Variants in NDUFAF6 observed in about 807,000 individuals in gnomAD.
NDUFAF6 encodes the protein NADH dehydrogenase (ubiquinone) complex I, assembly factor 6.
In NDUFAF6, 45 loss-of-function variants were observed where a neutral mutation model predicts 40.8. The observed-to-expected ratio is 1.10, with a 90% CI of 0.87 to 1.42. The LOEUF is 1.42. NDUFAF6 is among the 40% of genes most tolerant of loss of function. NDUFAF6 has a pLI of 0.00. For synonymous variants in NDUFAF6, 185 were observed against 155.9 expected (o/e 1.19, Z -1.39); for missense variants, 435 against 418.5 (o/e 1.04, Z -0.34).
chr8:95,010,627 A>G (rs1232106093), intron 2 of NDUFAF6, among the ~76,000 whole-genome samples: 1 of 152,244 alleles, frequency 6.6e-6, no homozygotes, highest in Non-Finnish European at 1.5e-5. Context: ...AAAGTCAGTC[A>G]TCAACTAAGT....
intron 9 of NDUFAF6, among the ~76,000 whole-genome samples, chr8:95,064,038 ATTTTTTTTTTTTTTTTTTTTTT>A (rs1160777112): frequency 5.7e-5 from 6 of 104,808 alleles, no homozygotes; most frequent in African/African-American, 1.7e-4. Flanking sequence ...CGCCTGGCTA[ATTTTTTTTTTTTTTTTTTTTTT>A]TTTGGATTTT....
At chr8:95,000,662 G>A (rs552522516) in intron 2 of NDUFAF6, among the ~76,000 whole-genome samples, 4 of 151,130 alleles carry the variant, frequency 2.6e-5, no homozygotes, top group Non-Finnish European at 4.4e-5. Flanking sequence ...CTGGCTGGGC[G>A]TCGTGGCTTA....
intron 1 of NDUFAF6, among the ~76,000 whole-genome samples, chr8:94,904,376 C>T (rs1486307042): frequency 8.9e-6 from 1 of 112,276 alleles, no homozygotes; most frequent in African/African-American, 3.6e-5. Context: ...CAGGGTTTCA[C>T]CGTGTTAGCC....
At position 95,058,024 on chromosome 8, in the gene NDUFAF6, T is replaced by A; in HGVS notation, c.*87T>A. 2 of 1,511,814 alleles carry A rather than the reference T, an allele frequency of 1.3e-6. No homozygotes were observed. The highest frequency in any genetic ancestry group is 1.8e-6 in the Non-Finnish European group (2 of 1,128,998). 93.6% of individuals were successfully genotyped at this position (1,511,814 alleles called of 1,614,324 possible). A position where few individuals can be genotyped will look rare whatever the true frequency, so the allele number is the denominator to read the frequency against. On this transcript the variant is annotated 3_prime_UTR_variant, in exon 9 of 9. Transcript: ENST00000396124. The stretch of plus-strand genomic sequence containing the variant: ...ATTTAGGAACAACAGGAAATGACTG[T>A]TAAGGAGAAAATGAATTTATTGAAT...
intron 4 of NDUFAF6, among the ~76,000 whole-genome samples, chr8:95,113,769 G>A (rs370540114): frequency 3.9e-5 from 6 of 152,160 alleles, no homozygotes; most frequent in African/African-American, 1.4e-4. Context: ...ACATGAACCC[G>A]GGAGGCAGAG....
At chr8:94,896,781 A>G (rs886478816) in intron 1 of NDUFAF6, 4 of 151,922 alleles carry the variant, frequency 2.6e-5, no homozygotes, top group African/African-American at 9.7e-5. Flanking sequence ...AGGCCCGGGA[A>G]ATAGCCGCCG....
At chr8:95,087,071 C>CT (rs370208597) in intron 2 of NDUFAF6, among the ~76,000 whole-genome samples, 2 of 148,906 alleles carry the variant, frequency 1.3e-5, no homozygotes, top group African/African-American at 2.5e-5. Flanking sequence ...TTTCTTTTGC[C>CT]TTTTTTTTTA....
In NDUFAF6 at chr8:95,058,144, CT is replaced by C; in HGVS notation, c.*208del. 6.9e-7 allele frequency: 1 copy of C among 1,443,330 alleles called. No individual in the cohort carries two copies. The highest frequency in any genetic ancestry group is 9.0e-7 in the Non-Finnish European group (1 of 1,109,256). 89.4% of individuals were successfully genotyped at this position (1,443,330 alleles called of 1,614,324 possible). On this transcript the variant is annotated 3_prime_UTR_variant, in exon 9 of 9. Coordinates refer to ENST00000396124, the MANE Select transcript of NDUFAF6 (RefSeq NM_152416.4). ...GGCAGAGGCACTGCCATTGGCACCC[CT>C]GGCCCAGACAGTGTCTGCTGTGCTG...
chr8:95,019,745 T>C (rs1271943732), intron 2 of NDUFAF6, among the ~76,000 whole-genome samples: 1 of 152,164 alleles, frequency 6.6e-6, no homozygotes, highest in Non-Finnish European at 1.5e-5. Flanking sequence ...AAATGAAAAA[T>C]ATGCCACCTA....
At chr8:95,068,897 G>A (rs1179021948) in intron 9 of NDUFAF6, 1 of 151,452 alleles carries the variant, frequency 6.6e-6, no homozygotes, top group East Asian at 1.9e-4. Context: ...AAATTCAATA[G>A]TGTCTTTCCT....
At chr8:95,117,210 A>C (rs973068776), downstream of NDUFAF6, among the ~76,000 whole-genome samples, 4 of 152,162 alleles carry the variant, frequency 2.6e-5, no homozygotes, top group Non-Finnish European at 4.4e-5. Flanking sequence ...TGCAAAGGAA[A>C]ATTAGGGTGT....
exon 2 of NDUFAF6, chr8:94,980,919 C>T (rs1825393619): frequency 2.2e-6 from 1 of 456,592 alleles, no homozygotes; most frequent in African/African-American, 2.0e-5. Flanking sequence ...AGGAACGGCA[C>T]ATGACCCAGG....
At chr8:94,921,481 C>T (rs758552999) in intron 1 of NDUFAF6, among the ~76,000 whole-genome samples, 4 of 152,090 alleles carry the variant, frequency 2.6e-5, no homozygotes, top group Admixed American at 6.5e-5. Context: ...AAACTAACCT[C>T]GATTCTGGAG....
chr8:94,916,131 G>A (rs1422252564), intron 1 of NDUFAF6, among the ~76,000 whole-genome samples: 1 of 152,156 alleles, frequency 6.6e-6, no homozygotes, highest in Non-Finnish European at 1.5e-5. Flanking sequence ...AAGGTTGTTG[G>A]GTAGCTGGGG....
At chr8:95,034,047 G>C (rs1286642865) in intron 2 of NDUFAF6, 1 of 457,676 alleles carries the variant, frequency 2.2e-6, no homozygotes, top group African/African-American at 2.0e-5. Context: ...GTATGCCACT[G>C]GGATCTGAAC....
At chr8:95,103,844 C>A (rs957837039), downstream of NDUFAF6, among the ~76,000 whole-genome samples, 2 of 152,162 alleles carry the variant, frequency 1.3e-5, no homozygotes, top group Non-Finnish European at 2.9e-5. Flanking sequence ...TAGCAGAGTT[C>A]TCTCCACAAT....
At chr8:95,111,655 AT>A (rs1211819500) in intron 4 of NDUFAF6, among the ~76,000 whole-genome samples, 458 of 152,278 alleles carry the variant, frequency 3.0e-3, no homozygotes, top group Non-Finnish European at 4.7e-3. Context: ...CTGCCTGCTC[AT>A]CGTGGGCACC....
chr8:95,017,163 A>G (rs1268196304), intron 2 of NDUFAF6, among the ~76,000 whole-genome samples: 1 of 142,698 alleles, frequency 7.0e-6, no homozygotes, highest in Non-Finnish European at 1.5e-5. Context: ...CTGGCCTCAA[A>G]CTCCTCAGCT....
At chr8:95,037,597 G>A (rs559941828) in intron 3 of NDUFAF6, among the ~76,000 whole-genome samples, 18 of 152,208 alleles carry the variant, frequency 1.2e-4, no homozygotes, top group African/African-American at 3.1e-4. Flanking sequence ...AAGAACTAAC[G>A]CCTTTTTAAC....
Sources: gnomAD v4.1 joint callset for allele counts (sites outside exome capture counted in the v4.1 genomes callset) on GRCh38, gnomAD v4.1.1 for gene constraint, MANE v1.5 for transcripts, NCBI Gene and HGNC (gene_info 2026-07-23, HGNC 2026-07-21) for gene names.